Variants in CPD observed in about 807,000 individuals in gnomAD.
The protein encoded by CPD is metallocarboxypeptidase D.
In CPD, 69 loss-of-function variants were observed where a neutral mutation model predicts 138.3. The ratio of observed to expected loss-of-function variants is 0.50; its 90% CI spans 0.41 to 0.61. The LOEUF (loss-of-function observed/expected upper bound fraction) is 0.61, where lower values mean the gene tolerates loss of function less well. Ranked by LOEUF, CPD falls within the 20% of genes least tolerant of loss-of-function variation. The pLI is 0.00. For missense variants in CPD, 1,432 were observed against 1,733.3 expected, an observed-to-expected ratio of 0.83 and a Z score of 3.09; for synonymous variants, 651 against 642.1, an observed-to-expected ratio of 1.01 and a Z score of -0.21.
intron 7 of CPD, among the ~76,000 whole-genome samples, chr17:30,429,249 T>G (rs1025008317): frequency 1.3e-5 from 2 of 152,196 alleles, no homozygotes; most frequent in Non-Finnish European, 2.9e-5. Flanking sequence ...ATTCACTTAT[T>G]TAGAGCTTTA....
chr17:30,457,129 T>G (rs1301912846), intron 17 of CPD, among the ~76,000 whole-genome samples: 1 of 152,098 alleles, frequency 6.6e-6, no homozygotes, highest in Non-Finnish European at 1.5e-5. Flanking sequence ...AAGCAATAAC[T>G]CCCTATTCCC....
In CPD at chr17:30,429,226, T is replaced by C. The variant is rs1043082699; in HGVS notation, c.2017+1668T>C. 5.9e-5 allele frequency among the ~76,000 whole-genome samples: 9 copies of C among 152,228 alleles called. No individual in the cohort carries two copies. The South Asian group carries it at 1.9e-3, about 31-fold the overall frequency. ...TTATTATATTTTATGTGTTTAATGC[T>C]ATGTTTGATAAAATTCACTTATTTA... On this transcript the variant is annotated intron_variant, in intron 7 of 20. Coordinates refer to ENST00000225719, the MANE Select transcript of CPD (RefSeq NM_001304.5).
chr17:30,446,160 T>C (rs1913024741), intron 12 of CPD, 140 bp downstream of exon 12: 1 of 663,124 alleles, frequency 1.5e-6, no homozygotes, highest in Non-Finnish European at 2.5e-6. Flanking sequence ...TTTTGCAACA[T>C]GTATTTGCTT....
chr17:30,450,047 T>C (rs1303996425), intron 13 of CPD, among the ~76,000 whole-genome samples: 1 of 151,486 alleles, frequency 6.6e-6, no homozygotes, highest in Non-Finnish European at 1.5e-5. Context: ...TCTTTATTCA[T>C]AGTTCTTTAC....
chr17:30,462,668 A>G (rs1017446358), intron 20 of CPD, among the ~76,000 whole-genome samples, 199 bp downstream of exon 20: 1 of 152,148 alleles, frequency 6.6e-6, no homozygotes, highest in Non-Finnish European at 1.5e-5. Flanking sequence ...GACCAGCTCC[A>G]TCAAGGAGAC....
intron 7 of CPD, among the ~76,000 whole-genome samples, 192 bp from the exon 8 acceptor site, chr17:30,431,580 G>A (rs1912566325): frequency 1.3e-5 from 2 of 152,078 alleles, no homozygotes; most frequent in Non-Finnish European, 2.9e-5. Context: ...TAGAAAATTA[G>A]CCATTTGAAA....
At chr17:30,389,653 C>T (rs1000348778) in intron 2 of CPD, among the ~76,000 whole-genome samples, 2 of 152,118 alleles carry the variant, frequency 1.3e-5, no homozygotes, top group African/African-American at 2.4e-5. Flanking sequence ...AATAAATATC[C>T]GGCCTCTACA....
At chr17:30,416,830 C>T (rs1226677800) in intron 2 of CPD, among the ~76,000 whole-genome samples, 1 of 152,110 alleles carries the variant, frequency 6.6e-6, no homozygotes, top group Non-Finnish European at 1.5e-5. Context: ...AGGCCGGGCG[C>T]GGTGGCTCAC....
In CPD at chr17:30,423,640, A is replaced by G. The variant is rs767403564; in HGVS notation, c.1792A>G (p.Thr598Ala). 8 of 1,610,932 alleles carry G rather than the reference A, an allele frequency of 5.0e-6. No individual in the cohort carries two copies. In the African/African-American group the frequency reaches 5.3e-5, roughly 11 times the overall value. ...DPEVTDLVHNTRIHLMPSMNP... is the reference protein window; with the variant it reads ...DPEVTDLVHNARIHLMPSMNP... ...TGAAGTCACAGATTTGGTTCATAAC[A>G]CTAGAATTCACCTTATGCCATCCAT... The change falls in exon 6 of 21, where the codon ACT becomes GCT. Residue 598 changes from threonine (T) to alanine (A), a missense_variant. Physicochemically the swap from Thr to Ala is moderately conservative, Grantham distance 58. Coordinates refer to ENST00000225719, the MANE Select transcript of CPD (RefSeq NM_001304.5).
At chr17:30,388,919 G>A (rs1911269414) in intron 2 of CPD, among the ~76,000 whole-genome samples, 1 of 152,154 alleles carries the variant, frequency 6.6e-6, no homozygotes, top group South Asian at 2.1e-4. Context: ...GCCCCAAGTG[G>A]CCCGCGCAGA....
chr17:30,398,902 T>C (rs1911579625), intron 2 of CPD, among the ~76,000 whole-genome samples: 1 of 151,348 alleles, frequency 6.6e-6, no homozygotes, highest in African/African-American at 2.4e-5. Flanking sequence ...TTGAAGTTGA[T>C]GAATAAAGAC....
In CPD at chr17:30,451,843, A is replaced by T; in HGVS notation, c.3202A>T (p.Thr1068Ser). ...ARGKDLDTDF[T>S]NNASQPETKA... Reference sequence around the variant, plus strand: ...TGGCAAAGATTTGGATACAGACTTCACAAGTAAGACTAATTTTTAGGCTAC... The same window carrying T: ...TGGCAAAGATTTGGATACAGACTTCTCAAGTAAGACTAATTTTTAGGCTAC... Residue 1068 changes from threonine (T) to serine (S), a missense_variant, in exon 14 of 21, where the codon ACA (threonine) becomes TCA (serine). Transcript: ENST00000225719. 1 of 1,613,876 alleles carries T rather than the reference A, an allele frequency of 6.2e-7. No individual in the cohort carries two copies. Among genetic ancestry groups the T allele is most frequent in the Non-Finnish European group, 8.5e-7 (1 of 1,179,868 alleles).
At chr17:30,461,346 C>T (rs1422248311) in intron 18 of CPD, 35 bp downstream of exon 18, 5 of 1,506,000 alleles carry the variant, frequency 3.3e-6, no homozygotes, top group Non-Finnish European at 4.4e-6. Context: ...GGCAAACTCC[C>T]AGGAATATGT....
At chr17:30,393,530 TC>T (rs1328164251) in intron 2 of CPD, among the ~76,000 whole-genome samples, 1 of 152,022 alleles carries the variant, frequency 6.6e-6, no homozygotes, top group African/African-American at 2.4e-5. Context: ...AACAGACAAA[TC>T]CATAAATATA....
At chr17:30,452,106 T>C (rs558706625) in intron 14 of CPD, among the ~76,000 whole-genome samples, 1 of 152,332 alleles carries the variant, frequency 6.6e-6, no homozygotes, top group East Asian at 1.9e-4. Context: ...TGTAGAGATG[T>C]GTATTCTCTC....
In CPD at chr17:30,402,077, G is replaced by A. The variant is rs183543391; in HGVS notation, c.994+16841G>A. ...TCAGATCTTTTTTTCTTCTTTCTCT[G>A]TTATTCATAAGGCAATTTCTACTTA... is the stretch of plus-strand genomic sequence containing the variant. On this transcript the variant is annotated intron_variant, in intron 2 of 20. Transcript: ENST00000225719. Among the ~76,000 whole-genome samples the A allele has an allele frequency of 1.2e-3, 170 of 136,560 alleles. 1 individual carries two copies. In the Middle Eastern group the frequency reaches 0.023, roughly 19 times the overall value. The allele number at this position is 136,560 out of a possible 152,430, so 89.6% of individuals were successfully genotyped here. A position where few individuals can be genotyped will look rare whatever the true frequency, so the allele number is the denominator to read the frequency against.
At chr17:30,458,061 G>A (rs1913346427) in intron 17 of CPD, among the ~76,000 whole-genome samples, 1 of 152,110 alleles carries the variant, frequency 6.6e-6, no homozygotes. Context: ...GGGCGTGGTG[G>A]CAGGTGCCTG....
rs1026187154 is a variant in CPD, at chr17:30,458,054, C to T, written c.3498+1528C>T. Among the ~76,000 whole-genome samples, 3 of 151,824 alleles carry T rather than the reference C, an allele frequency of 2.0e-5. No homozygotes were observed. The East Asian group carries it at 5.8e-4, about 29-fold the overall frequency. ...TAAAAATACAAAAAAATTAGCTGGG[C>T]GTGGTGGCAGGTGCCTGTAATCCCA... On this transcript the variant is annotated intron_variant, in intron 17 of 20. Coordinates refer to ENST00000225719, the MANE Select transcript of CPD (RefSeq NM_001304.5).
intron 6 of CPD, among the ~76,000 whole-genome samples, chr17:30,423,924 A>T (rs4795551): frequency 0.62 from 94,293 of 152,040 alleles, 30,684 homozygotes; most frequent in East Asian, 0.82. Flanking sequence ...TAATGGTTCT[A>T]ATTTACTAGA....
Sources: gnomAD v4.1 joint callset for allele counts (sites outside exome capture counted in the v4.1 genomes callset) on GRCh38, gnomAD v4.1.1 for gene constraint, MANE v1.5 for transcripts, NCBI Gene and HGNC (gene_info 2026-07-23, HGNC 2026-07-21) for gene names.